Variants in RBM20 observed in about 807,000 individuals in gnomAD.
RBM20 encodes RNA-binding protein 20.
A neutral mutation model predicts 110.1 loss-of-function variants in RBM20; 51 were observed. That is an observed-to-expected ratio of 0.46 (90% CI 0.37 to 0.59). RBM20 has a LOEUF of 0.59. Ranked by LOEUF, RBM20 falls within the 20% of genes least tolerant of loss-of-function variation. The probability of loss-of-function intolerance (pLI) is 0.00; values close to 1 mark genes in which losing one functional copy is unlikely to be tolerated. For missense variants in RBM20, 1,512 were observed against 1,574.9 expected, an observed-to-expected ratio of 0.96 and a Z score of 0.68; for synonymous variants, 589 against 618.2, an observed-to-expected ratio of 0.95 and a Z score of 0.70.
intron 1 of RBM20, among the ~76,000 whole-genome samples, chr10:110,728,529 G>C (rs918751059): frequency 1.3e-5 from 2 of 152,136 alleles, no homozygotes; most frequent in East Asian, 1.9e-4. Context: ...GTCAAGGTGA[G>C]GGGGAGTGAC....
At chr10:110,726,825 A>G (rs1843565037) in intron 1 of RBM20, among the ~76,000 whole-genome samples, 1 of 152,156 alleles carries the variant, frequency 6.6e-6, no homozygotes. Context: ...CCCACAGGGA[A>G]TCTCACCTGA....
chr10:110,680,611 C>T lies in RBM20; in HGVS notation c.191+35966C>T, dbSNP rs1035691377. On this transcript the variant is annotated intron_variant, in intron 1 of 13. Coordinates refer to ENST00000369519, the MANE Select transcript of RBM20 (RefSeq NM_001134363.3). ...TGGCTAGCTCGGGGACTGACACATA[C>T]GGCTAACTAGCGTGGGCTGTGGTGC... 5.3e-5 allele frequency among the ~76,000 whole-genome samples: 8 copies of T among 152,304 alleles called. No homozygotes were observed. In the East Asian group the frequency reaches 9.7e-4, roughly 18 times the overall value.
In RBM20 at chr10:110,781,022, G is replaced by C. The variant is rs1387283537; in HGVS notation, c.413G>C (p.Arg138Thr). 1.3e-5 allele frequency: 20 copies of C among 1,551,884 alleles called. No individual in the cohort carries two copies. The highest frequency in any genetic ancestry group is 1.7e-5 in the Non-Finnish European group (20 of 1,147,046). The change falls in exon 2 of 14, where the codon AGG becomes ACG. Residue 138 changes from arginine (R) to threonine (T), a missense_variant. By Grantham distance (71) the Arg-to-Thr change is moderately conservative (BLOSUM62 -1). This residue lies in a region of RBM20 where 1,149 missense variants were observed against 1,169.4 expected (regional missense o/e 0.98). Transcript: ENST00000369519. ...TCCCAGCCTCTCTTCAATCAACTGA[G>C]GCATCCGTCTGTGATCACTGGCCCC... ...AMSQPLFNQLRHPSVITGPHG... is the reference protein window; with the variant it reads ...AMSQPLFNQLTHPSVITGPHG...
At chr10:110,772,372 AAC>A (rs1377405992) in intron 1 of RBM20, among the ~76,000 whole-genome samples, 1 of 152,268 alleles carries the variant, frequency 6.6e-6, no homozygotes, top group Non-Finnish European at 1.5e-5. Flanking sequence ...TCTGGCCTGC[AAC>A]ACATGCCTCT....
At chr10:110,684,580 C>T (rs1392458495) in intron 1 of RBM20, among the ~76,000 whole-genome samples, 1 of 152,188 alleles carries the variant, frequency 6.6e-6, no homozygotes, top group Non-Finnish European at 1.5e-5. Context: ...TAAACTACAG[C>T]TTAATTTCCA....
At chr10:110,700,539 G>T (rs2134892823) in intron 1 of RBM20, among the ~76,000 whole-genome samples, 1 of 152,288 alleles carries the variant, frequency 6.6e-6, no homozygotes, top group East Asian at 1.9e-4. Flanking sequence ...GCCTAGGTTT[G>T]GTTTGGTGGC....
chr10:110,734,618 C>CATT (rs34824300), intron 1 of RBM20, among the ~76,000 whole-genome samples: 6,162 of 136,458 alleles, frequency 0.045, 189 homozygotes, highest in Non-Finnish European at 0.057. Flanking sequence ...AAAATTCCCT[C>CATT]TTTTTTTTTT....
At chr10:110,696,673 C>T (rs556741640) in intron 1 of RBM20, among the ~76,000 whole-genome samples, 1 of 152,250 alleles carries the variant, frequency 6.6e-6, no homozygotes, top group Non-Finnish European at 1.5e-5. Context: ...GAAGTACTGC[C>T]TGGGCCATGG....
chr10:110,805,799 G>C (rs1339495785), intron 7 of RBM20, among the ~76,000 whole-genome samples: 1 of 152,216 alleles, frequency 6.6e-6, no homozygotes. Context: ...AAAGCAGCAA[G>C]ATGTGTTAAC....
chr10:110,829,445 T>C (rs1008775253), intron 12 of RBM20, among the ~76,000 whole-genome samples: 1 of 152,134 alleles, frequency 6.6e-6, no homozygotes, highest in African/African-American at 2.4e-5. Context: ...GCTGAGGGCA[T>C]GGCGTGTAGC....
chr10:110,645,254 C>T (rs1206826433), intron 1 of RBM20, among the ~76,000 whole-genome samples: 2 of 152,170 alleles, frequency 1.3e-5, no homozygotes, highest in Non-Finnish European at 2.9e-5. Context: ...ATTCTCAGGT[C>T]GGCCTTCCCA....
chr10:110,713,894 T>C (rs115038780), intron 1 of RBM20, among the ~76,000 whole-genome samples: 21 of 152,192 alleles, frequency 1.4e-4, no homozygotes, highest in African/African-American at 4.8e-4. Flanking sequence ...ACTACGTTTT[T>C]GGGCTAGTTG....
chr10:110,763,654 G>C (rs903510760), intron 1 of RBM20, among the ~76,000 whole-genome samples: 1 of 151,968 alleles, frequency 6.6e-6, no homozygotes, highest in Non-Finnish European at 1.5e-5. Flanking sequence ...GGAGAACGGT[G>C]GCTCCTCGGA....
At chr10:110,835,795 G>A (rs1845118396) in intron 13 of RBM20, 73 bp from the exon 14 acceptor site, 2 of 1,441,830 alleles carry the variant, frequency 1.4e-6, no homozygotes, top group Admixed American at 2.0e-5. Context: ...ATTGAGGCAT[G>A]TCCGCTCCTC....
Position 110,772,016 on chromosome 10 carries a change from A to T in RBM20, c.192-8785A>T, listed in dbSNP as rs536155032. On this transcript the variant is annotated intron_variant, in intron 1 of 13. Transcript: ENST00000369519. ...AGTTTCTCAGTTGAGAGGTCACCAGATCTTATGTTACCGAGAAAATGGAAA... is the reference window on the plus strand; with the variant it reads ...AGTTTCTCAGTTGAGAGGTCACCAGTTCTTATGTTACCGAGAAAATGGAAA... 9.2e-5 allele frequency among the ~76,000 whole-genome samples: 14 copies of T among 152,332 alleles called. No individual in the cohort carries two copies. The South Asian group carries it at 2.9e-3, about 32-fold the overall frequency.
At chr10:110,765,032 A>C (rs910270063) in intron 1 of RBM20, among the ~76,000 whole-genome samples, 2 of 152,190 alleles carry the variant, frequency 1.3e-5, no homozygotes, top group Admixed American at 1.3e-4. Flanking sequence ...CGGCAGTTTA[A>C]CATGTGACCT....
chr10:110,657,175 C>T (rs936779659), intron 1 of RBM20, among the ~76,000 whole-genome samples: 1 of 152,060 alleles, frequency 6.6e-6, no homozygotes, highest in Non-Finnish European at 1.5e-5. Context: ...TGCCACCACG[C>T]CTGGCTAATT....
At chr10:110,685,775 G>A (rs543470887) in intron 1 of RBM20, among the ~76,000 whole-genome samples, 30 of 152,312 alleles carry the variant, frequency 2.0e-4, no homozygotes, top group African/African-American at 6.7e-4. Flanking sequence ...TCGGGCTAAC[G>A]TGAGTAACAA....
chr10:110,736,355 A>G (rs1843669726), intron 1 of RBM20, among the ~76,000 whole-genome samples: 2 of 150,968 alleles, frequency 1.3e-5, no homozygotes, highest in Admixed American at 1.3e-4. Context: ...TTAGTCACAC[A>G]CTATCTGTGC....
Sources: allele counts gnomAD v4.1 joint callset (sites outside exome capture counted in the v4.1 genomes callset), GRCh38; gene constraint gnomAD v4.1.1; regional missense constraint gnomAD v4.1.1; transcripts MANE v1.5; gene names NCBI Gene and HGNC (gene_info 2026-07-23, HGNC 2026-07-21).